Variants in DYRK1A observed in about 807,000 individuals in gnomAD.
DYRK1A encodes dual specificity tyrosine phosphorylation regulated kinase 1A, also known as dual specificity tyrosine-phosphorylation-regulated kinase 1A.
In DYRK1A, 9 loss-of-function variants were observed where a neutral mutation model predicts 79.7. That is an observed-to-expected ratio of 0.11 (90% CI 0.07 to 0.20). The LOEUF (loss-of-function observed/expected upper bound fraction) is 0.20. Ranked by LOEUF, DYRK1A falls within the 10% of genes least tolerant of loss-of-function variation. The probability of loss-of-function intolerance (pLI) is 1.00; values close to 1 mark genes in which losing one functional copy is unlikely to be tolerated. For synonymous variants in DYRK1A, 349 were observed against 329.7 expected, an observed-to-expected ratio of 1.06 and a Z score of -0.63; for missense variants, 622 against 956.0, an observed-to-expected ratio of 0.65 and a Z score of 4.61.
At chr21:37,479,622 T>TTTTTTTTTTG (rs1555979758) in intron 4 of DYRK1A, among the ~76,000 whole-genome samples, 5 of 105,728 alleles carry the variant, frequency 4.7e-5, no homozygotes, top group Non-Finnish European at 8.8e-5. Context: ...GTTTTTTGTT[T>TTTTTTTTTTG]TTTTTTTTTT....
intron 2 of DYRK1A, among the ~76,000 whole-genome samples, chr21:37,471,689 C>A: frequency 6.6e-6 from 1 of 152,168 alleles, no homozygotes; most frequent in Admixed American, 6.5e-5. Context: ...AGCAACCTGG[C>A]TGAGAGTCTG....
intron 11 of DYRK1A, 48 bp downstream of exon 11, chr21:37,506,271 G>A: frequency 6.2e-7 from 1 of 1,613,864 alleles, no homozygotes; most frequent in Non-Finnish European, 8.5e-7. Context: ...CCATTCTCAG[G>A]TGGAGCAGCA....
intron 9 of DYRK1A, among the ~76,000 whole-genome samples, chr21:37,500,992 T>G (rs1025121804): frequency 6.6e-6 from 1 of 151,574 alleles, no homozygotes; most frequent in Non-Finnish European, 1.5e-5. Context: ...TGCTCTTCAT[T>G]ATGTCCATTT....
intron 2 of DYRK1A, among the ~76,000 whole-genome samples, chr21:37,448,275 CAA>C (rs2051334246): frequency 6.6e-6 from 1 of 152,106 alleles, no homozygotes; most frequent in African/African-American, 2.4e-5. Context: ...CTTTTTATGA[CAA>C]GTATTAAAGC....
chr21:37,506,368 A>AT (rs1422371869), intron 11 of DYRK1A, 145 bp downstream of exon 11: 19 of 1,548,176 alleles, frequency 1.2e-5, no homozygotes, highest in Non-Finnish European at 1.7e-5. Flanking sequence ...AGTATTTATC[A>AT]TAGAGAAGCA....
chr21:37,413,773 A>T (rs769625703), intron 1 of DYRK1A, among the ~76,000 whole-genome samples: 2 of 152,122 alleles, frequency 1.3e-5, no homozygotes, highest in African/African-American at 2.4e-5. Flanking sequence ...TGAATAATAG[A>T]AATTTTGAGT....
At chr21:37,393,374 A>C (rs1391326426) in intron 1 of DYRK1A, among the ~76,000 whole-genome samples, 1 of 152,208 alleles carries the variant, frequency 6.6e-6, no homozygotes, top group African/African-American at 2.4e-5. Context: ...ACCTACAGGC[A>C]CATTTTTACC....
Position 37,521,009 on chromosome 21 carries a change from T to C in DYRK1A, c.*8478T>C, listed in dbSNP as rs2053931329. On this transcript the variant is annotated 3_prime_UTR_variant, in exon 12 of 12. Transcript: ENST00000647188. ...GCTGGAGAGACGGGCTACCTCTTTC[T>C]GTAGGCGGATGTTTCTGAAGGCATC... 6.6e-6 allele frequency: 1 copy of C among 152,298 alleles called. No individual in the cohort carries two copies. Among genetic ancestry groups the C allele is most frequent in the Non-Finnish European group, 1.5e-5 (1 of 68,074 alleles). 9.4% of individuals were successfully genotyped at this position (152,298 alleles called of 1,614,324 possible).
intron 2 of DYRK1A, among the ~76,000 whole-genome samples, chr21:37,429,816 C>T (rs977046429): frequency 5.3e-5 from 8 of 152,174 alleles, no homozygotes; most frequent in South Asian, 2.1e-4. Flanking sequence ...AGTAAAAGAA[C>T]GAAATGTCAG....
chr21:37,403,102 T>C (rs964567052), intron 1 of DYRK1A, among the ~76,000 whole-genome samples: 4 of 152,094 alleles, frequency 2.6e-5, no homozygotes, highest in African/African-American at 9.7e-5. Context: ...CTTCCAAGTT[T>C]GCTGATTTTT....
chr21:37,425,269 A>G (rs570729920), intron 2 of DYRK1A, among the ~76,000 whole-genome samples: 1 of 152,322 alleles, frequency 6.6e-6, no homozygotes, highest in African/African-American at 2.4e-5. Flanking sequence ...TGCAAAAAGA[A>G]TAATTTTTGG....
intron 2 of DYRK1A, among the ~76,000 whole-genome samples, chr21:37,422,094 GA>G (rs1482526267): frequency 1.3e-5 from 2 of 152,060 alleles, no homozygotes; most frequent in Admixed American, 1.3e-4. Context: ...TTAATTTTAT[GA>G]ATGCTAGAAC....
At chr21:37,401,143 CA>C (rs556123762) in intron 1 of DYRK1A, among the ~76,000 whole-genome samples, 36 of 144,184 alleles carry the variant, frequency 2.5e-4, no homozygotes, top group African/African-American at 9.2e-4. Context: ...GATTCTGTCT[CA>C]AAAAAAAAGG....
intron 1 of DYRK1A, among the ~76,000 whole-genome samples, chr21:37,372,688 A>G (rs2148355478): frequency 6.6e-6 from 1 of 152,312 alleles, no homozygotes; most frequent in African/African-American, 2.4e-5. Flanking sequence ...GATAGTAATT[A>G]GCATAGGAAT....
chr21:37,369,807 A>G (rs1460350848), intron 1 of DYRK1A, among the ~76,000 whole-genome samples: 2 of 152,264 alleles, frequency 1.3e-5, no homozygotes, highest in Admixed American at 6.5e-5. Flanking sequence ...TTTGAGATCT[A>G]AGTATAAGAT....
chr21:37,501,166 G>GTTTTTTTTTTTTGTTTTTTT (rs2053434064), intron 9 of DYRK1A, among the ~76,000 whole-genome samples: 2 of 93,996 alleles, frequency 2.1e-5, no homozygotes, highest in African/African-American at 9.4e-5. Context: ...GTTGTTGTTG[G>GTTTTTTTTTTTTGTTTTTTT]TTTTTTTTTT....
chr21:37,459,306 T>G (rs1052269469), intron 2 of DYRK1A, among the ~76,000 whole-genome samples: 1 of 152,226 alleles, frequency 6.6e-6, no homozygotes, highest in Non-Finnish European at 1.5e-5. Context: ...ACTTGTGAAA[T>G]CTTTATGTAT....
At chr21:37,508,895 T>C (rs1356794499) in intron 11 of DYRK1A, among the ~76,000 whole-genome samples, 1 of 152,244 alleles carries the variant, frequency 6.6e-6, no homozygotes. Context: ...TCTAAATCTT[T>C]AGACCATCCG....
chr21:37,378,302 G>A (rs1036773925), intron 1 of DYRK1A, among the ~76,000 whole-genome samples: 1 of 152,238 alleles, frequency 6.6e-6, no homozygotes, highest in Non-Finnish European at 1.5e-5. Flanking sequence ...GGAGGCCGAG[G>A]TGGGCTGATC....
Sources: gnomAD v4.1 joint callset for allele counts (sites outside exome capture counted in the v4.1 genomes callset) on GRCh38, gnomAD v4.1.1 for gene constraint, MANE v1.5 for transcripts, NCBI Gene and HGNC (gene_info 2026-07-23, HGNC 2026-07-21) for gene names.